FMNL2: variants seen among roughly 807,000 people sequenced by gnomAD.
FMNL2 encodes formin like 2.
In FMNL2, 51 loss-of-function variants were observed where a neutral mutation model predicts 130.2. The ratio of observed to expected loss-of-function variants is 0.39; its 90% CI spans 0.31 to 0.49. The LOEUF (loss-of-function observed/expected upper bound fraction) is 0.49. FMNL2 is among the 20% of genes least tolerant of loss of function. The pLI is 0.85. For synonymous variants in FMNL2, 465 were observed against 467.1 expected (o/e 1.00, Z 0.06); for missense variants, 977 against 1,316.2 (o/e 0.74, Z 3.99).
intron 1 of FMNL2, 65 bp from the exon 2 acceptor site, chr2:152,521,878 A>G (rs1311319476): frequency 7.7e-6 from 10 of 1,291,282 alleles, no homozygotes; most frequent in African/African-American, 4.4e-5. Flanking sequence ...TCTGCCTGCA[A>G]GTTACCAATT....
At position 152,476,293 on chromosome 2, in the gene FMNL2, A is replaced by G. The variant is rs1389254180; in HGVS notation, c.118-45650A>G. Among the ~76,000 whole-genome samples the G allele has an allele frequency of 2.0e-5, 3 of 152,210 alleles. No homozygotes were observed. In the South Asian group the frequency reaches 6.2e-4, roughly 32 times the overall value. ...ATTTGTATTACTTAAAGCACCAGCT[A>G]TGTTTACTATTTGATTATATGCTTT... On this transcript the variant is annotated intron_variant, in intron 1 of 25. Transcript: ENST00000288670.
intron 1 of FMNL2, among the ~76,000 whole-genome samples, chr2:152,480,659 A>AG (rs1690463662): frequency 6.8e-6 from 1 of 147,716 alleles, no homozygotes; most frequent in Non-Finnish European, 1.5e-5. Flanking sequence ...AAAAAAAAAA[A>AG]AAGTGAAAAT....
At chr2:152,472,404 G>C (rs193217939) in intron 1 of FMNL2, among the ~76,000 whole-genome samples, 1 of 152,102 alleles carries the variant, frequency 6.6e-6, no homozygotes, top group Admixed American at 6.5e-5. Flanking sequence ...CTTCAAAAAA[G>C]ATTTTTTTCT....
At chr2:152,424,214 G>A (rs1399432001) in intron 1 of FMNL2, among the ~76,000 whole-genome samples, 1 of 152,186 alleles carries the variant, frequency 6.6e-6, no homozygotes, top group Non-Finnish European at 1.5e-5. Context: ...CCTTGTGGAA[G>A]TATTCGGTGG....
chr2:152,503,876 C>A (rs2105333410), intron 1 of FMNL2, among the ~76,000 whole-genome samples: 1 of 152,296 alleles, frequency 6.6e-6, no homozygotes, highest in South Asian at 2.1e-4. Flanking sequence ...GGTGGGGGAA[C>A]TGTTTACACA....
chr2:152,606,061 C>T (rs1698343235), intron 9 of FMNL2, among the ~76,000 whole-genome samples: 1 of 152,162 alleles, frequency 6.6e-6, no homozygotes, highest in African/African-American at 2.4e-5. Flanking sequence ...AACAGAATTC[C>T]TGCCTTCGTG....
chr2:152,589,494 G>A (rs982305279), intron 9 of FMNL2, among the ~76,000 whole-genome samples: 1 of 152,178 alleles, frequency 6.6e-6, no homozygotes, highest in African/African-American at 2.4e-5. Flanking sequence ...AGAAAGCAGT[G>A]AGAGCTGAGT....
intron 1 of FMNL2, among the ~76,000 whole-genome samples, chr2:152,392,823 A>G (rs1685190380): frequency 6.6e-6 from 1 of 152,152 alleles, no homozygotes; most frequent in South Asian, 2.1e-4. Flanking sequence ...TGGATCCTCC[A>G]GGCTTCCTTG....
At chr2:152,341,409 G>A (rs145638156) in intron 1 of FMNL2, among the ~76,000 whole-genome samples, 5 of 152,322 alleles carry the variant, frequency 3.3e-5, no homozygotes, top group African/African-American at 4.8e-5. Flanking sequence ...GAAGAGACTG[G>A]CAACAGTGTA....
chr2:152,383,610 A>G lies in FMNL2; in HGVS notation c.117+47890A>G, dbSNP rs549463766. ...AAATATTTCATAAAAGGTAGCTGCT[A>G]TTAATAATGGCATAATTATAATAAT... is the stretch of plus-strand genomic sequence containing the variant. On this transcript the variant is annotated intron_variant, in intron 1 of 25. Coordinates refer to ENST00000288670, the MANE Select transcript of FMNL2 (RefSeq NM_052905.4). Among the ~76,000 whole-genome samples the G allele has an allele frequency of 5.9e-5, 9 of 152,270 alleles. 1 individual carries two copies. The highest frequency in any genetic ancestry group is 2.2e-4 in the African/African-American group (9 of 41,562).
rs149447374 is a variant in FMNL2 at position 152,414,351 on chromosome 2, C to G, written c.117+78631C>G. 1.6e-3 allele frequency among the ~76,000 whole-genome samples: 248 copies of G among 152,236 alleles called. 1 individual carries two copies. The highest frequency in any genetic ancestry group is 5.7e-3 in the African/African-American group (238 of 41,552). On this transcript the variant is annotated intron_variant, in intron 1 of 25. Coordinates refer to ENST00000288670, the MANE Select transcript of FMNL2 (RefSeq NM_052905.4). ...TCACTGGGGGTGGAGTGATGTTACC[C>G]TTATTTCCTACTTGAATCTCTCTCA...
At chr2:152,451,822 G>T (rs1229556758) in intron 1 of FMNL2, among the ~76,000 whole-genome samples, 1 of 152,172 alleles carries the variant, frequency 6.6e-6, no homozygotes, top group Admixed American at 6.6e-5. Flanking sequence ...CTTCAGTTTC[G>T]ATTGTGGGCT....
intron 2 of FMNL2, among the ~76,000 whole-genome samples, chr2:152,525,069 A>G (rs1284255615): frequency 6.6e-6 from 1 of 152,218 alleles, no homozygotes; most frequent in African/African-American, 2.4e-5. Flanking sequence ...CATAGAGCCT[A>G]AATGAGTAGG....
intron 21 of FMNL2, among the ~76,000 whole-genome samples, chr2:152,636,108 G>C (rs751852518): frequency 9.2e-5 from 14 of 152,196 alleles, no homozygotes; most frequent in Non-Finnish European, 1.5e-4. Flanking sequence ...GTGGGATTTA[G>C]AGTCCACATT....
intron 1 of FMNL2, among the ~76,000 whole-genome samples, chr2:152,375,188 A>G (rs1271641751): frequency 6.6e-6 from 1 of 152,238 alleles, no homozygotes; most frequent in Non-Finnish European, 1.5e-5. Flanking sequence ...GAGGAAGATC[A>G]TTGAAACTGT....
chr2:152,478,290 G>T (rs141505182), intron 1 of FMNL2, among the ~76,000 whole-genome samples: 10,230 of 132,100 alleles, frequency 0.077, 588 homozygotes, highest in Admixed American at 0.24. Flanking sequence ...TTACTGTGTC[G>T]CCCAGGCTGG....
intron 2 of FMNL2, among the ~76,000 whole-genome samples, chr2:152,538,282 TTTTTG>T (rs1438363935): frequency 2.9e-5 from 4 of 140,224 alleles, no homozygotes; most frequent in African/African-American, 1.0e-4. Context: ...AGGTTTTTTT[TTTTTG>T]TTTGTTTGTT....
chr2:152,553,759 A>G (rs1244756604), intron 4 of FMNL2, among the ~76,000 whole-genome samples: 1 of 151,776 alleles, frequency 6.6e-6, no homozygotes, highest in African/African-American at 2.4e-5. Context: ...ATATTAATAC[A>G]TTATAAATTA....
Position 152,626,700 on chromosome 2 carries a change from C to A in FMNL2, c.2138C>A (p.Ala713Asp). The change falls in exon 17 of 26, where the codon GCT (alanine) becomes GAT (aspartate). Residue 713 changes from alanine (A) to aspartate (D), a missense_variant. Ala to Asp is a moderately radical substitution (Grantham distance 126). This residue lies in a region of FMNL2 where 689 missense variants were observed against 995.9 expected (regional missense o/e 0.69). Coordinates refer to ENST00000288670, the MANE Select transcript of FMNL2 (RefSeq NM_052905.4). Reference sequence around the variant, plus strand: ...ACTTTAAGGAAAGCTGGAAAGACTGCTGATGAAATATGTAAAGCTATTCAT... The same window carrying A: ...ACTTTAAGGAAAGCTGGAAAGACTGATGATGAAATATGTAAAGCTATTCAT... Reference protein sequence around the residue: ...AITLRKAGKTADEICKAIHVF... With the variant: ...AITLRKAGKTDDEICKAIHVF... 6.2e-7 allele frequency: 1 copy of A among 1,611,704 alleles called. No homozygotes were observed. The highest frequency in any genetic ancestry group is 8.5e-7 in the Non-Finnish European group (1 of 1,178,928).
Sources: gnomAD v4.1 joint callset for allele counts (sites outside exome capture counted in the v4.1 genomes callset) on GRCh38, gnomAD v4.1.1 for gene constraint, gnomAD v4.1.1 regional missense constraint, MANE v1.5 for transcripts, NCBI Gene and HGNC (gene_info 2026-07-23, HGNC 2026-07-21) for gene names.